The following CYP26A1 variants were observed in gnomAD, a reference collection of about 807,000 sequenced individuals.
CYP26A1 encodes the protein cytochrome P450 26A1.
CYP26A1 carries 46 observed loss-of-function variants against 47.4 expected under a neutral mutation model. The ratio of observed to expected loss-of-function variants is 0.97; its 90% confidence interval spans 0.77 to 1.24. The LOEUF (loss-of-function observed/expected upper bound fraction) is 1.24. CYP26A1 is among the 50% of genes most tolerant of loss of function. The pLI, the probability that CYP26A1 is intolerant of heterozygous loss-of-function variation, is 0.00. For synonymous variants in CYP26A1, 277 were observed against 263.7 expected, an observed-to-expected ratio of 1.05 and a Z score of -0.49; for missense variants, 680 against 644.4, an observed-to-expected ratio of 1.06 and a Z score of -0.60.
chr10:93,075,578 C>A (rs1756328456), intron 4 of CYP26A1: 1 of 586,932 alleles, frequency 1.7e-6, no homozygotes, highest in Admixed American at 3.0e-5. Flanking sequence ...AAGAACCTTG[C>A]GATTTTAATA....
At position 93,074,914 on chromosome 10, in the gene CYP26A1, C is replaced by T. The variant is rs1846952456; in HGVS notation, c.550C>T (p.Leu184Phe). The change falls in exon 3 of 7, where the codon CTC (leucine) becomes TTC (phenylalanine). Residue 184 changes from leucine to phenylalanine, a missense_variant. Physicochemically the swap from Leu to Phe is conservative, Grantham distance 22. Transcript: ENST00000224356. The surrounding 1 kb of genome is among the most constrained non-coding windows in gnomAD (Gnocchi z 5.3). Reference protein sequence around the residue: ...GLLVYPEVKRLMFRIAMRILL... With the variant: ...GLLVYPEVKRFMFRIAMRILL... ...CCTGGTCTACCCCGAGGTGAAGCGC[C>T]TCATGTTCCGAATCGCCATGCGCAT... 1.2e-6 allele frequency: 2 copies of T among 1,613,126 alleles called. No homozygotes were observed. Among genetic ancestry groups the T allele is most frequent in the East Asian group, 2.2e-5 (1 of 44,894 alleles).
At position 93,074,302 on chromosome 10, in the gene CYP26A1, C is replaced by A; in HGVS notation, c.190-6C>A. 6.3e-7 allele frequency: 1 copy of A among 1,582,406 alleles called. No individual in the cohort carries two copies. Among genetic ancestry groups the A allele is most frequent in the Non-Finnish European group, 8.7e-7 (1 of 1,152,338 alleles). On this transcript the variant is annotated splice_region_variant and splice_polypyrimidine_tract_variant and intron_variant, in intron 1 of 6. Transcript: ENST00000224356. The surrounding 1 kb of genome is among the most constrained non-coding windows in gnomAD (Gnocchi z 5.3). ...CCCACTTCTCTCCTCCGCCTTCCTC[C>A]CACAGCGGAGGAAGTTCCTGCAGAT... is the stretch of plus-strand genomic sequence containing the variant.
At chr10:93,073,595 G>A (rs530238000), upstream of CYP26A1, 169 of 318,008 alleles carry the variant, frequency 5.3e-4, 5 homozygotes, top group South Asian at 0.011. Context: ...CCGGCTCCTC[G>A]GAGTCCTGGC....
At position 93,074,937 on chromosome 10, in the gene CYP26A1, C is replaced by T. The variant is rs1022965447; in HGVS notation, c.573C>T (p.Arg191=). 6.2e-6 allele frequency: 10 copies of T among 1,613,316 alleles called. No homozygotes were observed. The highest frequency in any genetic ancestry group is 8.5e-6 in the Non-Finnish European group (10 of 1,180,028). ...VKRLMFRIAM[R]ILLGCEPQLA... ...GCCTCATGTTCCGAATCGCCATGCG[C>T]ATCCTACTGGGCTGCGAACCCCAAC... The change falls in exon 3 of 7, where the codon CGC becomes CGT. Residue 191 remains arginine (R), a synonymous_variant. Coordinates refer to ENST00000224356, the MANE Select transcript of CYP26A1 (RefSeq NM_000783.4). The surrounding 1 kb of genome is among the most constrained non-coding windows in gnomAD (Gnocchi z 5.3).
At position 93,077,507 on chromosome 10, in the gene CYP26A1, A is replaced by T. The variant is rs1846993298; in HGVS notation, c.*203A>T. 1 of 343,328 alleles carries T rather than the reference A, an allele frequency of 2.9e-6. No homozygotes were observed. The highest frequency in any genetic ancestry group is 4.5e-5 in the Admixed American group (1 of 22,278). The allele number at this position is 343,328 out of a possible 1,614,324, so 21.3% of individuals were successfully genotyped here. A position where few individuals can be genotyped will look rare whatever the true frequency, so the allele number is the denominator to read the frequency against. On this transcript the variant is annotated 3_prime_UTR_variant, in exon 7 of 7. Transcript: ENST00000224356. ...TAAAATTTGAAGGTACTTTTCTGGT[A>T]TTTTAAGATTCCTGTTGGGTAAAAC...
At chr10:93,076,861 C>A in intron 6 of CYP26A1, 102 bp from the exon 7 acceptor site, 1 of 982,584 alleles carries the variant, frequency 1.0e-6, no homozygotes, top group Non-Finnish European at 1.5e-6. Context: ...CTCTCCCTTG[C>A]TTTTAGCTCA....
chr10:93,076,960 C>T lies in CYP26A1; in HGVS notation c.1153-3C>T. The T allele has an allele frequency of 1.3e-6, 2 of 1,555,142 alleles. No homozygotes were observed. The highest frequency in any genetic ancestry group is 1.9e-5 in the Admixed American group (1 of 53,894). ...GCCCTTGGGGTTTCATAATCTTTTG[C>T]AGGGATACCAGATTCCCAAGGGCTG... On this transcript the variant is annotated splice_region_variant and splice_polypyrimidine_tract_variant and intron_variant, in intron 6 of 6. Transcript: ENST00000224356.
chr10:93,076,392 C>T, intron 5 of CYP26A1, 152 bp from the exon 6 acceptor site: 1 of 609,926 alleles, frequency 1.6e-6, no homozygotes, highest in Non-Finnish European at 2.9e-6. Context: ...TTTGGGCAGG[C>T]AAATGGCCAT....
intron 5 of CYP26A1, 54 bp from the exon 6 acceptor site, chr10:93,076,490 T>A (rs1846978602): frequency 7.5e-7 from 1 of 1,331,184 alleles, no homozygotes; most frequent in Admixed American, 2.0e-5. Context: ...TCTGCTGGGC[T>A]GATTTTATTG....
At chr10:93,075,504 T>C (rs749154257) in intron 4 of CYP26A1, 197 bp downstream of exon 4, 4 of 619,308 alleles carry the variant, frequency 6.5e-6, no homozygotes, top group Non-Finnish European at 8.5e-6. Context: ...GCGGCGGAAC[T>C]GGGAGCATCC....
chr10:93,075,156 AGGCGC>A lies in CYP26A1; in HGVS notation c.716_720del (p.Ala239GlufsTer93), dbSNP rs1428213547. ...CGCGCTCTCTGCGCTCAGGGCATGA[AGGCGC>A]GGAACCTCATTCACGCGCGCATCGA... On this transcript the variant is annotated frameshift_variant, in exon 4 of 7. Coordinates refer to ENST00000224356, the MANE Select transcript of CYP26A1 (RefSeq NM_000783.4). LOFTEE classifies it high-confidence loss of function. The A allele has an allele frequency of 6.2e-7, 1 of 1,613,312 alleles. No homozygotes were observed. The highest frequency in any genetic ancestry group is 8.5e-7 in the Non-Finnish European group (1 of 1,179,878).
At position 93,074,271 on chromosome 10, in the gene CYP26A1, C is replaced by A. The variant is rs1011103698; in HGVS notation, c.190-37C>A. On this transcript the variant is annotated intron_variant, in intron 1 of 6. Coordinates refer to ENST00000224356, the MANE Select transcript of CYP26A1 (RefSeq NM_000783.4). This position sits in a 1 kb window ranked among gnomAD's most constrained non-coding sequence, Gnocchi z 5.3. ...GGAGCGCGGCGCTCCCCGGCGCCCCCTCATGCCCACTTCTCTCCTCCGCCT... is the reference window on the plus strand; with the variant it reads ...GGAGCGCGGCGCTCCCCGGCGCCCCATCATGCCCACTTCTCTCCTCCGCCT... 6.5e-7 allele frequency: 1 copy of A among 1,532,476 alleles called. No individual in the cohort carries two copies. Among genetic ancestry groups the A allele is most frequent in the Middle Eastern group, 2.0e-4 (1 of 5,080 alleles). The allele number at this position is 1,532,476 out of a possible 1,614,324, so 94.9% of individuals were successfully genotyped here. A position where few individuals can be genotyped will look rare whatever the true frequency, so the allele number is the denominator to read the frequency against.
At position 93,075,079 on chromosome 10, in the gene CYP26A1, G is replaced by A. The variant is rs887684523; in HGVS notation, c.705+10G>A. 6.2e-7 allele frequency: 1 copy of A among 1,611,420 alleles called. No homozygotes were observed. Among genetic ancestry groups the A allele is most frequent in the African/African-American group, 1.3e-5 (1 of 75,040 alleles). ...CAGCGGGCTGTACCGGGTAAGGGCG[G>A]CAAACGGGCTGCGGACTAGGGGCGC... On this transcript the variant is annotated intron_variant, in intron 3 of 6. Transcript: ENST00000224356.
At position 93,074,855 on chromosome 10, in the gene CYP26A1, T is replaced by A. The variant is rs148053802; in HGVS notation, c.491T>A (p.Leu164Gln). ...ATCACCGAGGAAGTGGGCAGCAGCC[T>A]GGAGCAGTGGCTGAGCTGCGGCGAG... Reference protein sequence around the residue: ...PVITEEVGSSLEQWLSCGERG... With the variant: ...PVITEEVGSSQEQWLSCGERG... Residue 164 changes from leucine (L) to glutamine (Q), a missense_variant, in exon 3 of 7, where the codon CTG (leucine) becomes CAG (glutamine). Physicochemically the swap from Leu to Gln is moderately radical, Grantham distance 113. Transcript: ENST00000224356. This position sits in a 1 kb window ranked among gnomAD's most constrained non-coding sequence, Gnocchi z 5.3. 17 of 1,612,262 alleles carry A rather than the reference T, an allele frequency of 1.1e-5. No homozygotes were observed. Among genetic ancestry groups the A allele is most frequent in the Non-Finnish European group, 1.4e-5 (17 of 1,179,770 alleles).
In CYP26A1 at chr10:93,075,139, C is replaced by G. The variant is rs71480853; in HGVS notation, c.706-10C>G. On this transcript the variant is annotated splice_polypyrimidine_tract_variant and intron_variant, in intron 3 of 6. Transcript: ENST00000224356. ...GCGTCTGCTCACCGCCGCGCGCTCT[C>G]TGCGCTCAGGGCATGAAGGCGCGGA... 8 of 1,612,086 alleles carry G rather than the reference C, an allele frequency of 5.0e-6. No individual in the cohort carries two copies. Among genetic ancestry groups the G allele is most frequent in the Non-Finnish European group, 6.8e-6 (8 of 1,178,998 alleles).
At position 93,075,329 on chromosome 10, in the gene CYP26A1, G is replaced by A. The variant is rs1411241123; in HGVS notation, c.864+22G>A. 8.1e-6 allele frequency: 13 copies of A among 1,604,604 alleles called. No individual in the cohort carries two copies. In the Admixed American group the frequency reaches 2.2e-4, roughly 27 times the overall value. On this transcript the variant is annotated intron_variant, in intron 4 of 6. Transcript: ENST00000224356. The stretch of plus-strand genomic sequence containing the variant: ...GCAGGTGAGTAGCAGCTTCAGACCA[G>A]GCACTGCGGAGTTTGGTCCCCTGGC...
upstream of CYP26A1, chr10:93,073,610 C>T (rs1846925334): frequency 5.6e-6 from 2 of 358,994 alleles, no homozygotes. Flanking sequence ...CCTGGCCCTC[C>T]CCCACCGCCG....
chr10:93,075,202 CA>C lies in CYP26A1; in HGVS notation c.761del (p.Lys254ArgfsTer21). On this transcript the variant is annotated frameshift_variant, in exon 4 of 7. Transcript: ENST00000224356. LOFTEE classifies it high-confidence loss of function. The stretch of plus-strand genomic sequence containing the variant: ...CGCGCATCGAGCAGAACATTCGCGC[CA>C]AGATCTGCGGGCTGCGGGCATCCGA... ...HARIEQNIRA[K>X]ICGLRASEAG... 1 of 1,613,878 alleles carries C rather than the reference CA, an allele frequency of 6.2e-7. No individual in the cohort carries two copies. The highest frequency in any genetic ancestry group is 8.5e-7 in the Non-Finnish European group (1 of 1,179,956).
chr10:93,074,592 G>A lies in CYP26A1; in HGVS notation c.414+60G>A, dbSNP rs1246811128. On this transcript the variant is annotated intron_variant, in intron 2 of 6. Coordinates refer to ENST00000224356, the MANE Select transcript of CYP26A1 (RefSeq NM_000783.4). The surrounding 1 kb of genome is among the most constrained non-coding windows in gnomAD (Gnocchi z 5.3). ...GGACCCCATTTATGAGCGGAATTCCGGCTGATGGATGCTAGGCGCGGGCTA... is the reference window on the plus strand; with the variant it reads ...GGACCCCATTTATGAGCGGAATTCCAGCTGATGGATGCTAGGCGCGGGCTA... 3 of 1,209,882 alleles carry A rather than the reference G, an allele frequency of 2.5e-6. No homozygotes were observed. The highest frequency in any genetic ancestry group is 3.7e-6 in the Non-Finnish European group (3 of 814,852). 74.9% of individuals were successfully genotyped at this position (1,209,882 alleles called of 1,614,324 possible). A position where few individuals can be genotyped will look rare whatever the true frequency, so the allele number is the denominator to read the frequency against.
Sources: allele counts gnomAD v4.1 joint callset, GRCh38; gene constraint gnomAD v4.1.1; non-coding constraint Gnocchi (gnomAD v3.1); transcripts MANE v1.5; gene names NCBI Gene and HGNC (gene_info 2026-07-23, HGNC 2026-07-21).